The following NFE2L2 variants were observed in gnomAD, a reference collection of about 807,000 sequenced individuals.
NFE2L2 encodes nuclear factor erythroid 2-related factor 2.
In NFE2L2, 20 loss-of-function variants were observed where a neutral mutation model predicts 49.6. The ratio of observed to expected loss-of-function variants is 0.40; its 90% CI spans 0.28 to 0.59. The LOEUF (loss-of-function observed/expected upper bound fraction) is 0.59, where lower values mean the gene tolerates loss of function less well. NFE2L2 is among the 20% of genes least tolerant of loss of function. NFE2L2 has a pLI of 0.40. For missense variants in NFE2L2, 578 were observed against 714.2 expected, an observed-to-expected ratio of 0.81 and a Z score of 2.17; for synonymous variants, 244 against 256.5, an observed-to-expected ratio of 0.95 and a Z score of 0.47.
intron 1 of NFE2L2, among the ~76,000 whole-genome samples, chr2:177,244,302 CAAA>C (rs771725061): frequency 8.6e-6 from 1 of 115,964 alleles, no homozygotes; most frequent in Admixed American, 8.7e-5. Context: ...AACTCTGTCT[CAAA>C]AAAAAAAAAA....
At position 177,231,011 on chromosome 2, in the gene NFE2L2, T is replaced by C; in HGVS notation, c.1592A>G (p.His531Arg). The change falls in exon 5 of 5, where the codon CAT becomes CGT. Residue 531 changes from histidine (H) to arginine (R), a missense_variant. His to Arg is a conservative substitution (Grantham distance 29, BLOSUM62 0). Transcript: ENST00000397062. Reference protein sequence around the residue: ...NIVELEQDLDHLKDEKEKLLK... With the variant: ...NIVELEQDLDRLKDEKEKLLK... ...CAATTTTTCTTTTTCATCTTTCAAA[T>C]GATCTAAATCTTGCTCTAGTTCTAC... The C allele has an allele frequency of 6.2e-7, 1 of 1,610,154 alleles. No individual in the cohort carries two copies. Among genetic ancestry groups the C allele is most frequent in the Non-Finnish European group, 8.5e-7 (1 of 1,179,172 alleles).
At chr2:177,256,427 T>A (rs1301861976) in intron 1 of NFE2L2, among the ~76,000 whole-genome samples, 1 of 145,644 alleles carries the variant, frequency 6.9e-6, no homozygotes, top group Non-Finnish European at 1.5e-5. Flanking sequence ...AATATTGTCC[T>A]CATATTAAGG....
chr2:177,253,778 A>G (rs1690422878), intron 1 of NFE2L2, among the ~76,000 whole-genome samples: 2 of 152,232 alleles, frequency 1.3e-5, no homozygotes, highest in African/African-American at 2.4e-5. Flanking sequence ...ATAAAGTACG[A>G]TATCTTAAGA....
intron 1 of NFE2L2, among the ~76,000 whole-genome samples, chr2:177,242,591 C>G (rs758672994): frequency 6.6e-6 from 1 of 152,172 alleles, no homozygotes; most frequent in Non-Finnish European, 1.5e-5. Flanking sequence ...TGGGCTGCTT[C>G]CTGTTCCCAA....
At chr2:177,247,487 C>T (rs975646603) in intron 1 of NFE2L2, among the ~76,000 whole-genome samples, 1 of 151,984 alleles carries the variant, frequency 6.6e-6, no homozygotes, top group South Asian at 2.1e-4. Context: ...TGGTGAAACC[C>T]TGTCTCTACT....
intron 1 of NFE2L2, among the ~76,000 whole-genome samples, chr2:177,239,806 G>T (rs1006060607): frequency 1.3e-5 from 2 of 152,158 alleles, no homozygotes; most frequent in African/African-American, 2.4e-5. Flanking sequence ...CAGACATCTT[G>T]ATCAAATTTA....
intron 1 of NFE2L2, among the ~76,000 whole-genome samples, chr2:177,253,209 A>G (rs1690403861): frequency 6.6e-6 from 1 of 152,182 alleles, no homozygotes. Context: ...CTCTCTGAGC[A>G]CCCCAGTTAG....
chr2:177,245,413 G>A lies in NFE2L2; in HGVS notation c.46-11142C>T, dbSNP rs1346260821. 2.6e-5 allele frequency among the ~76,000 whole-genome samples: 4 copies of A among 152,076 alleles called. No homozygotes were observed. The East Asian group carries it at 7.7e-4, about 29-fold the overall frequency. On this transcript the variant is annotated intron_variant, in intron 1 of 4. Transcript: ENST00000397062. Reference sequence around the variant, plus strand: ...TTTTACAACTCTTGCCAAGTTATTTGGCAGAGGGAAAAGATCTTTGCTTCA... The same window carrying A: ...TTTTACAACTCTTGCCAAGTTATTTAGCAGAGGGAAAAGATCTTTGCTTCA...
intron 1 of NFE2L2, among the ~76,000 whole-genome samples, chr2:177,245,185 G>C (rs988844691): frequency 8.6e-5 from 13 of 151,820 alleles, no homozygotes; most frequent in African/African-American, 3.1e-4. Context: ...TTTTCAGTTA[G>C]TATGACTCAT....
At chr2:177,235,069 A>G (rs1324780188) in intron 1 of NFE2L2, among the ~76,000 whole-genome samples, 1 of 151,810 alleles carries the variant, frequency 6.6e-6, no homozygotes, top group Non-Finnish European at 1.5e-5. Context: ...GTCAGCTGAG[A>G]TCGCACCACT....
Position 177,231,103 on chromosome 2 carries a change from A to G in NFE2L2, c.1500T>C (p.Asp500=). 1 of 1,614,098 alleles carries G rather than the reference A, an allele frequency of 6.2e-7. No individual in the cohort carries two copies. The highest frequency in any genetic ancestry group is 8.5e-7 in the Non-Finnish European group (1 of 1,180,036). ...FNEAQLALIR[D]IRRRGKNKVA... ...CTTTATTCTTACCCCTCCTACGTAT[A>G]TCCCGAATTAATGCAAGTTGAGCTT... The change falls in exon 5 of 5, where the codon GAT becomes GAC. Residue 500 remains aspartate (D), a synonymous_variant. Transcript: ENST00000397062.
At chr2:177,234,454 A>G (rs1390374912) in intron 1 of NFE2L2, among the ~76,000 whole-genome samples, 183 bp from the exon 2 acceptor site, 2 of 152,244 alleles carry the variant, frequency 1.3e-5, no homozygotes, top group Non-Finnish European at 2.9e-5. Context: ...CAATGAATCT[A>G]TTCATTAAAG....
Position 177,238,359 on chromosome 2 carries a change from A to G in NFE2L2, c.46-4088T>C, listed in dbSNP as rs186253488. On this transcript the variant is annotated intron_variant, in intron 1 of 4. Transcript: ENST00000397062. ...AAGAAAATATTGAATGGAATTTATA[A>G]TTGTCAGTGTCAATCATGCCAAGAA... Among the ~76,000 whole-genome samples the G allele has an allele frequency of 1.2e-4, 19 of 152,328 alleles. No individual in the cohort carries two copies. In the East Asian group the frequency reaches 3.7e-3, roughly 29 times the overall value.
chr2:177,233,116 G>A, intron 3 of NFE2L2, 134 bp downstream of exon 3: 1 of 710,638 alleles, frequency 1.4e-6, no homozygotes, highest in Non-Finnish European at 2.3e-6. Context: ...GTATTTCCTT[G>A]GTTAAAAAAT....
chr2:177,263,497 T>C (rs1380386760), intron 1 of NFE2L2: 13 of 985,328 alleles, frequency 1.3e-5, no homozygotes, highest in African/African-American at 1.7e-5. Flanking sequence ...CTGGGGAAAA[T>C]AGCAATTGCG....
intron 1 of NFE2L2, among the ~76,000 whole-genome samples, chr2:177,248,461 G>A (rs772433309): frequency 1.3e-5 from 2 of 152,068 alleles, no homozygotes; most frequent in African/African-American, 4.8e-5. Flanking sequence ...CCAGGCTGGA[G>A]TGCAATGGCG....
Position 177,256,979 on chromosome 2 carries a change from G to A in NFE2L2, c.45+7553C>T, listed in dbSNP as rs146980194. Among the ~76,000 whole-genome samples, 290 of 152,336 alleles carry A rather than the reference G, an allele frequency of 1.9e-3. 6 individuals carry two copies. In the East Asian group the frequency reaches 0.037, roughly 20 times the overall value. On this transcript the variant is annotated intron_variant, in intron 1 of 4. Transcript: ENST00000397062. ...AAGTGGGACTGCTGTGCTGTGGCACGCACACCCACACACAAGTTGCCAACA... is the reference window on the plus strand; with the variant it reads ...AAGTGGGACTGCTGTGCTGTGGCACACACACCCACACACAAGTTGCCAACA...
At chr2:177,235,506 T>C (rs1396405597) in intron 1 of NFE2L2, among the ~76,000 whole-genome samples, 1 of 152,084 alleles carries the variant, frequency 6.6e-6, no homozygotes, top group East Asian at 1.9e-4. Flanking sequence ...TTTTAAGACA[T>C]AGGAAGAATC....
intron 2 of NFE2L2, chr2:177,233,728 G>A: frequency 1.8e-6 from 1 of 541,336 alleles, no homozygotes; most frequent in Non-Finnish European, 3.2e-6. Context: ...TTCTGTTGCT[G>A]CTACTTGATC....
Sources: gnomAD v4.1 joint callset for allele counts (sites outside exome capture counted in the v4.1 genomes callset) on GRCh38, gnomAD v4.1.1 for gene constraint, MANE v1.5 for transcripts, NCBI Gene and HGNC (gene_info 2026-07-23, HGNC 2026-07-21) for gene names.